The following AFF3 variants were observed in gnomAD, a reference collection of about 807,000 sequenced individuals.
AFF3 encodes the protein ALF transcription elongation factor 3.
AFF3 carries 32 observed loss-of-function variants against 129.7 expected under a neutral mutation model. The ratio of observed to expected loss-of-function variants is 0.25; its 90% CI spans 0.19 to 0.33. AFF3 has a LOEUF of 0.33. AFF3 is among the 10% of genes least tolerant of loss of function. The pLI, the probability that AFF3 is intolerant of heterozygous loss-of-function variation, is 1.00. For synonymous variants in AFF3, 644 were observed against 635.4 expected (o/e 1.01, Z -0.20); for missense variants, 1,373 against 1,592.0 (o/e 0.86, Z 2.34).
intron 7 of AFF3, among the ~76,000 whole-genome samples, chr2:99,842,845 CA>C (rs1340844353): frequency 6.6e-6 from 1 of 152,114 alleles, no homozygotes; most frequent in Non-Finnish European, 1.5e-5. Context: ...AGAGTGTGAT[CA>C]AATCAGTGGG....
At chr2:99,707,610 A>T in intron 11 of AFF3, 1 of 985,246 alleles carries the variant, frequency 1.0e-6, no homozygotes, top group Non-Finnish European at 1.2e-6. Context: ...GTGGTATTTT[A>T]ACAAAGTTCC....
At chr2:99,857,212 T>C (rs1197004136) in intron 7 of AFF3, among the ~76,000 whole-genome samples, 1 of 152,202 alleles carries the variant, frequency 6.6e-6, no homozygotes, top group African/African-American at 2.4e-5. Flanking sequence ...TGGTATCTGT[T>C]TGAGAGCTCA....
At chr2:99,695,938 G>GAA (rs10719354) in intron 11 of AFF3, among the ~76,000 whole-genome samples, 64 of 57,652 alleles carry the variant, frequency 1.1e-3, no homozygotes, top group East Asian at 5.2e-3. Context: ...CTGGAAAAAT[G>GAA]AAAAAAAAAA....
At chr2:99,723,664 C>G (rs2104968300) in intron 11 of AFF3, among the ~76,000 whole-genome samples, 1 of 152,286 alleles carries the variant, frequency 6.6e-6, no homozygotes, top group African/African-American at 2.4e-5. Flanking sequence ...TTCTGTTTAC[C>G]TGACTTCTGA....
intron 7 of AFF3, among the ~76,000 whole-genome samples, chr2:99,985,478 T>TA (rs1203686547): frequency 1.3e-5 from 2 of 152,194 alleles, no homozygotes; most frequent in African/African-American, 2.4e-5. Context: ...TTGACCTTTT[T>TA]AAAGGTAAAT....
At chr2:99,813,394 A>C (rs1339690417) in intron 8 of AFF3, among the ~76,000 whole-genome samples, 1 of 152,226 alleles carries the variant, frequency 6.6e-6, no homozygotes, top group African/African-American at 2.4e-5. Flanking sequence ...AGTACTGGGA[A>C]GTCTAGGATA....
rs535472442 is a variant in AFF3, at chr2:99,561,027, A to T, written c.3120-591T>A. Among the ~76,000 whole-genome samples, 13 of 152,314 alleles carry T rather than the reference A, an allele frequency of 8.5e-5. No homozygotes were observed. In the East Asian group the frequency reaches 2.3e-3, roughly 27 times the overall value. On this transcript the variant is annotated intron_variant, in intron 20 of 24. Transcript: ENST00000672756. ...TTTCTGAACCAAGGGGACTGTGGCC[A>T]TTGCTTTCTCCCAACAACATACCAA... is the stretch of plus-strand genomic sequence containing the variant.
intron 13 of AFF3, among the ~76,000 whole-genome samples, chr2:99,642,187 C>T (rs1403411306): frequency 1.3e-5 from 2 of 152,194 alleles, no homozygotes; most frequent in Non-Finnish European, 2.9e-5. Context: ...GCCCAATCCC[C>T]ACTCGCTACA....
At chr2:99,761,710 T>C (rs1030399338) in intron 8 of AFF3, among the ~76,000 whole-genome samples, 1 of 152,266 alleles carries the variant, frequency 6.6e-6, no homozygotes, top group African/African-American at 2.4e-5. Context: ...ATTTAAGCCA[T>C]GTTTTCATTT....
chr2:99,553,636 G>A (rs780867464), intron 24 of AFF3, among the ~76,000 whole-genome samples: 1 of 151,982 alleles, frequency 6.6e-6, no homozygotes, highest in Admixed American at 6.6e-5. Context: ...AAATATGGCC[G>A]GGTGTGGTGG....
chr2:100,135,458 C>A (rs1692598380), intron 1 of AFF3, among the ~76,000 whole-genome samples: 2 of 152,152 alleles, frequency 1.3e-5, no homozygotes, highest in African/African-American at 2.4e-5. Context: ...AGTGCAACCA[C>A]CAAAACATGG....
chr2:100,045,397 C>T (rs1685753979), intron 4 of AFF3, among the ~76,000 whole-genome samples: 1 of 152,170 alleles, frequency 6.6e-6, no homozygotes, highest in Non-Finnish European at 1.5e-5. Context: ...ACAGCAGCTC[C>T]CGTGACTGCG....
intron 7 of AFF3, among the ~76,000 whole-genome samples, chr2:99,997,377 C>T (rs185193345): frequency 1.7e-3 from 254 of 152,248 alleles, no homozygotes; most frequent in African/African-American, 5.8e-3. Flanking sequence ...CCTCTGTCTG[C>T]CAACCAAGCT....
At chr2:99,558,479 G>C (rs576862613) in intron 22 of AFF3, among the ~76,000 whole-genome samples, 1 of 152,168 alleles carries the variant, frequency 6.6e-6, no homozygotes, top group South Asian at 2.1e-4. Flanking sequence ...AATTAGCCAG[G>C]CGTGGTGGTG....
At chr2:99,816,744 G>A (rs72956193) in intron 8 of AFF3, among the ~76,000 whole-genome samples, 3 of 152,116 alleles carry the variant, frequency 2.0e-5, no homozygotes, top group South Asian at 2.1e-4. Flanking sequence ...CTCTGAACAA[G>A]AGTCTTGGTG....
intron 7 of AFF3, among the ~76,000 whole-genome samples, chr2:99,867,030 A>T (rs1466694969): frequency 6.7e-6 from 1 of 149,260 alleles, no homozygotes; most frequent in Non-Finnish European, 1.5e-5. Flanking sequence ...AATAAAAAAT[A>T]AAAAAAACAA....
At chr2:99,903,564 T>C (rs551360693) in intron 7 of AFF3, among the ~76,000 whole-genome samples, 2 of 152,194 alleles carry the variant, frequency 1.3e-5, no homozygotes, top group Non-Finnish European at 2.9e-5. Context: ...AATAATAAAC[T>C]ATTTACAGAC....
intron 7 of AFF3, among the ~76,000 whole-genome samples, chr2:99,907,251 T>C (rs1474490659): frequency 6.6e-6 from 1 of 152,206 alleles, no homozygotes; most frequent in East Asian, 1.9e-4. Context: ...AAAAAGATGA[T>C]AAAATTATGT....
intron 13 of AFF3, among the ~76,000 whole-genome samples, chr2:99,635,616 T>C (rs1292093800): frequency 6.6e-6 from 1 of 152,124 alleles, no homozygotes; most frequent in Admixed American, 6.5e-5. Flanking sequence ...TTGTTCTATT[T>C]CAAGGGCACT....
Sources: gnomAD v4.1 joint callset for allele counts (sites outside exome capture counted in the v4.1 genomes callset) on GRCh38, gnomAD v4.1.1 for gene constraint, MANE v1.5 for transcripts, NCBI Gene and HGNC (gene_info 2026-07-23, HGNC 2026-07-21) for gene names.